Variants in B9D1 observed in about 807,000 individuals in gnomAD.
B9D1 encodes the protein B9 domain containing 1.
Under a neutral mutation model 26.1 loss-of-function variants are expected in B9D1, and 20 were observed. That is an observed-to-expected ratio of 0.77 (90% CI 0.54 to 1.12). The LOEUF (loss-of-function observed/expected upper bound fraction) is 1.12. Ranked by LOEUF, B9D1 falls within the 50% of genes most tolerant of loss-of-function variation. The pLI is 0.00. For missense variants in B9D1, 260 were observed against 273.7 expected, an observed-to-expected ratio of 0.95 and a Z score of 0.35; for synonymous variants, 105 against 103.1, an observed-to-expected ratio of 1.02 and a Z score of -0.11.
At chr17:19,360,572 C>A (rs1910920929) in intron 1 of B9D1, among the ~76,000 whole-genome samples, 184 bp from the exon 2 acceptor site, 1 of 152,178 alleles carries the variant, frequency 6.6e-6, no homozygotes. Flanking sequence ...GGGAGACTCC[C>A]AGGTGCCACG....
At chr17:19,343,617 A>G in intron 6 of B9D1, 156 bp from the exon 7 acceptor site, 2 of 1,574,738 alleles carry the variant, frequency 1.3e-6, no homozygotes. Context: ...CTGCCGGGAC[A>G]GGCAGACATG....
downstream of B9D1, among the ~76,000 whole-genome samples, chr17:19,342,634 G>A (rs1324687441): frequency 6.6e-6 from 1 of 152,178 alleles, no homozygotes; most frequent in East Asian, 1.9e-4. Flanking sequence ...TCAGAGGTCA[G>A]GGTGTTGAGC....
In B9D1 at chr17:19,357,821, A is replaced by C; in HGVS notation, c.244+19T>G. On this transcript the variant is annotated intron_variant, in intron 3 of 6. Coordinates refer to ENST00000261499, the MANE Select transcript of B9D1 (RefSeq NM_015681.6). ...TGAAAGCTCTGCCACCCTACCCCACAGGGCCCCTGCAGACTCACAGCCGTA... is the reference window on the plus strand; with the variant it reads ...TGAAAGCTCTGCCACCCTACCCCACCGGGCCCCTGCAGACTCACAGCCGTA... 1.0e-5 allele frequency: 16 copies of C among 1,576,780 alleles called. No homozygotes were observed. The highest frequency in any genetic ancestry group is 1.4e-5 in the Non-Finnish European group (16 of 1,146,706).
intron 5 of B9D1, 29 bp from the exon 6 acceptor site, chr17:19,343,886 A>G: frequency 6.2e-7 from 1 of 1,613,474 alleles, no homozygotes; most frequent in Non-Finnish European, 8.5e-7. Context: ...ACAGGTGAGC[A>G]GGGCCCCACC....
At position 19,347,406 on chromosome 17, in the gene B9D1, A is replaced by G. The variant is rs924714423; in HGVS notation, c.342-75T>C. 1.3e-6 allele frequency: 2 copies of G among 1,552,196 alleles called. No homozygotes were observed. The highest frequency in any genetic ancestry group is 1.8e-6 in the Non-Finnish European group (2 of 1,126,038). ...GAGCCTCCAGGGAGAAGAAACCCTC[A>G]GATCAGGCCAGTGCAGCTGCAGCGT... On this transcript the variant is annotated intron_variant, in intron 4 of 6. Coordinates refer to ENST00000261499, the MANE Select transcript of B9D1 (RefSeq NM_015681.6). The surrounding 1 kb of genome is among the most constrained non-coding windows in gnomAD (Gnocchi z 4.3).
At chr17:19,338,144 C>T (rs1285656434), downstream of B9D1, among the ~76,000 whole-genome samples, 1 of 152,226 alleles carries the variant, frequency 6.6e-6, no homozygotes, top group Non-Finnish European at 1.5e-5. Flanking sequence ...GGGCAGGGGT[C>T]AGTACCCACA....
chr17:19,344,546 A>T, intron 5 of B9D1: 1 of 256,176 alleles, frequency 3.9e-6, no homozygotes, highest in Non-Finnish European at 8.2e-6. Flanking sequence ...AACCAGGAGC[A>T]CTATTCCCGG....
chr17:19,337,579 G>C (rs908308858), downstream of B9D1: 7 of 776,042 alleles, frequency 9.0e-6, no homozygotes, highest in African/African-American at 1.0e-4. Flanking sequence ...CAGTGCAGGG[G>C]ACAGGAGAGA....
chr17:19,347,375 C>A lies in B9D1; in HGVS notation c.342-44G>T, dbSNP rs1209492133. Reference sequence around the variant, plus strand: ...CAGACAGAGATGCTGAGTAAGAGACCTTTCTGAGCCTCCAGGGAGAAGAAA... The same window carrying A: ...CAGACAGAGATGCTGAGTAAGAGACATTTCTGAGCCTCCAGGGAGAAGAAA... On this transcript the variant is annotated intron_variant, in intron 4 of 6. Coordinates refer to ENST00000261499, the MANE Select transcript of B9D1 (RefSeq NM_015681.6). The surrounding 1 kb of genome is among the most constrained non-coding windows in gnomAD (Gnocchi z 4.3). The A allele has an allele frequency of 1.2e-6, 2 of 1,607,080 alleles. No homozygotes were observed. Among genetic ancestry groups the A allele is most frequent in the Admixed American group, 1.7e-5 (1 of 59,976 alleles).
At chr17:19,374,456 C>T (rs969392678) in intron 1 of B9D1, among the ~76,000 whole-genome samples, 1 of 152,184 alleles carries the variant, frequency 6.6e-6, no homozygotes, top group Non-Finnish European at 1.5e-5. Flanking sequence ...GTGTCTAAAT[C>T]AGTATAATCT....
chr17:19,335,609 T>C, downstream of B9D1: 1 of 547,632 alleles, frequency 1.8e-6, no homozygotes, highest in East Asian at 4.2e-5. Flanking sequence ...GTCCCTAGGC[T>C]AAGACAGGGG....
At chr17:19,335,367 A>G, downstream of B9D1, 1 of 1,543,368 alleles carries the variant, frequency 6.5e-7, no homozygotes, top group Non-Finnish European at 8.8e-7. Context: ...AATGTGACTC[A>G]CCAATTTTTA....
chr17:19,368,511 T>C (rs976852649), intron 1 of B9D1, among the ~76,000 whole-genome samples: 4 of 152,114 alleles, frequency 2.6e-5, no homozygotes, highest in African/African-American at 9.7e-5. Flanking sequence ...GAACATAAGA[T>C]CCCTACTAGT....
intron 3 of B9D1, among the ~76,000 whole-genome samples, chr17:19,352,812 C>T (rs1403236230): frequency 2.0e-5 from 3 of 151,690 alleles, no homozygotes; most frequent in East Asian, 1.9e-4. Context: ...TGAGCCACTG[C>T]GCCCAGCCTA....
chr17:19,349,554 A>T (rs1274238775), intron 3 of B9D1, among the ~76,000 whole-genome samples: 1 of 151,390 alleles, frequency 6.6e-6, no homozygotes, highest in Non-Finnish European at 1.5e-5. Context: ...CCTAATTTTT[A>T]AATTTTTTGT....
downstream of B9D1, chr17:19,335,574 T>G: frequency 8.0e-6 from 9 of 1,129,846 alleles, no homozygotes; most frequent in Non-Finnish European, 8.5e-6. Flanking sequence ...GGGGTGCTTC[T>G]GTGCCCACGG....
upstream of B9D1, among the ~76,000 whole-genome samples, chr17:19,367,229 C>T (rs1911640284): frequency 6.6e-6 from 1 of 152,114 alleles, no homozygotes; most frequent in South Asian, 2.1e-4. Flanking sequence ...CCGCTTTGGC[C>T]TCTGCACCTG....
At position 19,359,192 on chromosome 17, in the gene B9D1, C is replaced by G. The variant is rs1199046883; in HGVS notation, c.132+1128G>C. On this transcript the variant is annotated intron_variant, in intron 2 of 6. Coordinates refer to ENST00000261499, the MANE Select transcript of B9D1 (RefSeq NM_015681.6). The surrounding 1 kb of genome is among the most constrained non-coding windows in gnomAD (Gnocchi z 5.0). The stretch of plus-strand genomic sequence containing the variant: ...CTTGTCGTAGAAGCCAGGGAATCTT[C>G]TAAAAACATAAGTCAGATCACTTTC... Among the ~76,000 whole-genome samples, 1 of 152,216 alleles carries G rather than the reference C, an allele frequency of 6.6e-6. No individual in the cohort carries two copies. Among genetic ancestry groups the G allele is most frequent in the East Asian group, 1.9e-4 (1 of 5,206 alleles).
chr17:19,344,638 C>T (rs966755715), intron 5 of B9D1: 4 of 173,238 alleles, frequency 2.3e-5, no homozygotes, highest in South Asian at 9.1e-5. Context: ...CCCAAGGTCC[C>T]CCCACGGACA....
Sources: gnomAD v4.1 joint callset for allele counts (sites outside exome capture counted in the v4.1 genomes callset) on GRCh38, gnomAD v4.1.1 for gene constraint, Gnocchi (gnomAD v3.1) non-coding constraint, MANE v1.5 for transcripts, NCBI Gene and HGNC (gene_info 2026-07-23, HGNC 2026-07-21) for gene names.